Variants in LAMA1 observed in about 807,000 individuals in gnomAD.
LAMA1 encodes laminin subunit alpha 1.
LAMA1 carries 219 observed loss-of-function variants against 348.7 expected under a neutral mutation model. The observed-to-expected ratio is 0.63, with a 90% CI of 0.56 to 0.70. The LOEUF (loss-of-function observed/expected upper bound fraction) is 0.70, where lower values mean the gene tolerates loss of function less well. Ranked by LOEUF, LAMA1 falls within the 30% of genes least tolerant of loss-of-function variation. The probability of loss-of-function intolerance (pLI) is 0.00; values close to 1 mark genes in which losing one functional copy is unlikely to be tolerated. For synonymous variants in LAMA1, 1,487 were observed against 1,491.0 expected (o/e 1.00, Z 0.06); for missense variants, 3,744 against 3,888.0 (o/e 0.96, Z 0.99).
Position 7,011,395 on chromosome 18 carries a change from C to A in LAMA1, c.3592G>T (p.Ala1198Ser). Reference protein sequence around the residue: ...RGTTEGVYYQAPDFLLDAATV... With the variant: ...RGTTEGVYYQSPDFLLDAATV... ...GCGGCATCCAGCAGGAAGTCGGGGG[C>A]CTGGTAGTAAACCCCCTCGGTCGTG... is the stretch of plus-strand genomic sequence containing the variant. The change falls in exon 25 of 63, where the codon GCC (alanine) becomes TCC (serine). Residue 1198 changes from alanine to serine, a missense_variant. Ala to Ser is a moderately conservative substitution (Grantham distance 99, BLOSUM62 1). Around this residue, in one of 3 missense-constraint regions of LAMA1, gnomAD observed 1,529 missense variants for 1,689.4 expected, o/e 0.91. Coordinates refer to ENST00000389658, the MANE Select transcript of LAMA1 (RefSeq NM_005559.4). 2 of 1,610,666 alleles carry A rather than the reference C, an allele frequency of 1.2e-6. No homozygotes were observed. Among genetic ancestry groups the A allele is most frequent in the Non-Finnish European group, 1.7e-6 (2 of 1,178,738 alleles).
intron 48 of LAMA1, among the ~76,000 whole-genome samples, chr18:6,967,388 C>T (rs903186666): frequency 2.6e-5 from 4 of 152,194 alleles, no homozygotes; most frequent in Admixed American, 1.3e-4. Flanking sequence ...TCTTGGCCAA[C>T]CACAGTGCAT....
intron 14 of LAMA1, among the ~76,000 whole-genome samples, chr18:7,033,455 C>CA (rs10686154): frequency 0.019 from 2,049 of 109,836 alleles, 35 homozygotes; most frequent in South Asian, 0.036. Context: ...GACTCTGTCT[C>CA]AAAAAAAAAA....
chr18:7,095,062 A>C (rs910078131), intron 1 of LAMA1, among the ~76,000 whole-genome samples: 24 of 132,020 alleles, frequency 1.8e-4, no homozygotes, highest in African/African-American at 7.3e-4. Flanking sequence ...ATATCCCTTG[A>C]CTGTTTTTTT....
chr18:7,047,338 G>A (rs2058046120), intron 5 of LAMA1, among the ~76,000 whole-genome samples: 5 of 152,128 alleles, frequency 3.3e-5, no homozygotes, highest in East Asian at 1.9e-4. Context: ...CACTGTGCCC[G>A]GCCTTCTTTT....
At chr18:7,115,814 CAAAAAA>C (rs557585224) in intron 1 of LAMA1, among the ~76,000 whole-genome samples, 2 of 94,840 alleles carry the variant, frequency 2.1e-5, no homozygotes, top group Non-Finnish European at 4.3e-5. Flanking sequence ...ACTAAAAATA[CAAAAAA>C]AAAAAAAAAA....
chr18:6,947,546 G>T (rs527415566), intron 60 of LAMA1, among the ~76,000 whole-genome samples: 1 of 152,156 alleles, frequency 6.6e-6, no homozygotes, highest in South Asian at 2.1e-4. Flanking sequence ...TTCATCTGTG[G>T]CCACAGAAGC....
intron 3 of LAMA1, among the ~76,000 whole-genome samples, chr18:7,059,705 A>G (rs1308870958): frequency 3.3e-5 from 5 of 152,202 alleles, no homozygotes; most frequent in Non-Finnish European, 4.4e-5. Context: ...ATGGGGCTCA[A>G]TACCAGGCAT....
intron 16 of LAMA1, among the ~76,000 whole-genome samples, chr18:7,031,512 T>A (rs1018487025): frequency 1.3e-5 from 2 of 152,098 alleles, no homozygotes; most frequent in African/African-American, 4.8e-5. Flanking sequence ...CTTCTTAGGG[T>A]ATATTATGTA....
rs2057992668 is a variant in LAMA1 at position 7,035,974 on chromosome 18, CA to C, written c.1839+12del. On this transcript the variant is annotated intron_variant, in intron 13 of 62. Transcript: ENST00000389658. ...CCTAAGCTCTATAGCAGAATCAAAG[CA>C]AAAACAATCACCTTAATGATGACGT... 2 of 1,607,080 alleles carry C rather than the reference CA, an allele frequency of 1.2e-6. No individual in the cohort carries two copies.
chr18:7,068,169 G>T (rs894828775), intron 3 of LAMA1, among the ~76,000 whole-genome samples: 1 of 152,140 alleles, frequency 6.6e-6, no homozygotes, highest in Admixed American at 6.5e-5. Context: ...GTTTCTCTGA[G>T]CCACGAAGTG....
chr18:6,997,252 T>C (rs572068257), intron 33 of LAMA1, among the ~76,000 whole-genome samples: 3 of 152,204 alleles, frequency 2.0e-5, no homozygotes, highest in South Asian at 2.1e-4. Context: ...TTGGTAGAGA[T>C]GGGGTTTCAC....
chr18:6,985,259 T>C lies in LAMA1; in HGVS notation c.5638A>G (p.Arg1880Gly), dbSNP rs1600372516. The change falls in exon 39 of 63, where the codon AGA becomes GGA. Residue 1880 changes from arginine (R) to glycine (G), a missense_variant. Arg to Gly is a moderately radical substitution (Grantham distance 125, BLOSUM62 -2). Transcript: ENST00000389658. Reference sequence around the variant, plus strand: ...TACCTGTACAGAACATCTGCTAGTCTCTGGAACTCAGCGGCATGGTCCTCA... The same window carrying C: ...TACCTGTACAGAACATCTGCTAGTCCCTGGAACTCAGCGGCATGGTCCTCA... ...RAEDHAAEFQ[R>G]LADVLYSGLE... 3.1e-6 allele frequency: 5 copies of C among 1,614,040 alleles called. No homozygotes were observed. In the East Asian group the frequency reaches 1.1e-4, roughly 36 times the overall value.
In LAMA1 at chr18:7,080,409, G is replaced by T; in HGVS notation, c.110C>A (p.Thr37Asn). Residue 37 changes from threonine (T) to asparagine (N), a missense_variant, in exon 2 of 63, where the codon ACC becomes AAC. By Grantham distance (65) the Thr-to-Asn change is moderately conservative. Around this residue, in one of 3 missense-constraint regions of LAMA1, gnomAD observed 1,529 missense variants for 1,689.4 expected, o/e 0.91. Transcript: ENST00000389658. The stretch of plus-strand genomic sequence containing the variant: ...CCCCTTCTCGCCACAGGTGGCATTG[G>T]TGCTGATGTGAGCATTGCTGGCAAG... ...LNLASNAHIS[T>N]NATCGEKGPE... 6.2e-7 allele frequency: 1 copy of T among 1,614,236 alleles called. No homozygotes were observed.
intron 3 of LAMA1, 118 bp from the exon 4 acceptor site, chr18:7,051,054 G>C: frequency 1.5e-6 from 2 of 1,356,176 alleles, no homozygotes; most frequent in Non-Finnish European, 2.0e-6. Flanking sequence ...CTTAGAATCA[G>C]ACAGTAGAAT....
At chr18:6,968,115 C>G (rs1471958714) in intron 48 of LAMA1, among the ~76,000 whole-genome samples, 1 of 152,142 alleles carries the variant, frequency 6.6e-6, no homozygotes, top group East Asian at 1.9e-4. Flanking sequence ...TGGTAAGGGC[C>G]CAGGACAAAT....
At chr18:6,955,595 T>C (rs781310719) in intron 56 of LAMA1, 130 bp from the exon 57 acceptor site, 6 of 716,052 alleles carry the variant, frequency 8.4e-6, no homozygotes, top group African/African-American at 5.2e-5. Context: ...CAGTGCCTGT[T>C]GGCGCTCACT....
chr18:6,976,104 C>T (rs1049390871), intron 44 of LAMA1, 24 bp from the exon 45 acceptor site: 9 of 1,613,498 alleles, frequency 5.6e-6, no homozygotes, highest in African/African-American at 1.3e-5. Flanking sequence ...ATGAAAGTGT[C>T]CCCATCATTT....
chr18:6,985,557 T>G lies in LAMA1; in HGVS notation c.5466A>C (p.Ala1822=). Residue 1822 remains alanine, a synonymous_variant, in exon 38 of 63, where the codon GCA becomes GCC. Transcript: ENST00000389658. The part of the protein sequence containing the change: ...QGRGLIDAAA[A]QTDAVQDALE... ...GAGCATCTTGTACAGCATCTGTTTG[T>G]GCAGCAGCAGCATCTATCAATCCTC... is the stretch of plus-strand genomic sequence containing the variant. The G allele has an allele frequency of 1.9e-6, 3 of 1,614,204 alleles. No homozygotes were observed. Among genetic ancestry groups the G allele is most frequent in the Non-Finnish European group, 2.5e-6 (3 of 1,180,006 alleles).
chr18:7,049,990 C>G (rs1179792818), intron 4 of LAMA1, among the ~76,000 whole-genome samples: 1 of 152,174 alleles, frequency 6.6e-6, no homozygotes, highest in Non-Finnish European at 1.5e-5. Context: ...AAGACCGTTT[C>G]TCTCCAAGTG....
Sources: allele counts gnomAD v4.1 joint callset (sites outside exome capture counted in the v4.1 genomes callset), GRCh38; gene constraint gnomAD v4.1.1; regional missense constraint gnomAD v4.1.1; transcripts MANE v1.5; gene names NCBI Gene and HGNC (gene_info 2026-07-23, HGNC 2026-07-21).